Variants in RALGAPA1 observed in about 807,000 individuals in gnomAD.
The protein encoded by RALGAPA1 is ral GTPase-activating protein subunit alpha-1.
In RALGAPA1, 52 loss-of-function variants were observed where a neutral mutation model predicts 269.6. The observed-to-expected ratio is 0.19, with a 90% CI of 0.15 to 0.24. The LOEUF (loss-of-function observed/expected upper bound fraction) is 0.24, where lower values mean the gene tolerates loss of function less well. Among genes scored for constraint, RALGAPA1 ranks in the 10% least tolerant of loss-of-function variants. The pLI is 1.00. For missense variants in RALGAPA1, 1,917 were observed against 3,013.9 expected (o/e 0.64, Z 8.52); for synonymous variants, 817 against 1,008.3 (o/e 0.81, Z 3.60).
intron 17 of RALGAPA1, among the ~76,000 whole-genome samples, chr14:35,691,555 T>G (rs566085538): frequency 1.3e-5 from 2 of 152,314 alleles, no homozygotes; most frequent in African/African-American, 4.8e-5. Context: ...TGTCCAAGAT[T>G]ACAAAATAAT....
intron 39 of RALGAPA1, among the ~76,000 whole-genome samples, chr14:35,562,931 G>T (rs1566688644): frequency 7.0e-6 from 1 of 142,812 alleles, no homozygotes; most frequent in African/African-American, 2.6e-5. Flanking sequence ...TGAGGCAGGA[G>T]AACTGCTTGA....
At chr14:35,624,756 C>T (rs2060884081) in intron 35 of RALGAPA1, among the ~76,000 whole-genome samples, 1 of 152,068 alleles carries the variant, frequency 6.6e-6, no homozygotes, top group Non-Finnish European at 1.5e-5. Context: ...TTCAAACTTG[C>T]TTCCCAATCT....
At chr14:35,548,741 A>G (rs1397285808) in intron 40 of RALGAPA1, among the ~76,000 whole-genome samples, 2 of 152,190 alleles carry the variant, frequency 1.3e-5, no homozygotes, top group Admixed American at 1.3e-4. Context: ...CTTTAGCTGT[A>G]AAATCAGAGA....
chr14:35,709,881 T>C (rs1286607795), intron 16 of RALGAPA1, among the ~76,000 whole-genome samples: 2 of 152,202 alleles, frequency 1.3e-5, no homozygotes, highest in Non-Finnish European at 1.5e-5. Context: ...GTTAAATCCA[T>C]TGCAGTCAGA....
At chr14:35,660,329 C>T (rs1169156146) in intron 27 of RALGAPA1, among the ~76,000 whole-genome samples, 2 of 151,902 alleles carry the variant, frequency 1.3e-5, no homozygotes, top group Admixed American at 6.6e-5. Flanking sequence ...ACAAAACATA[C>T]AAAAATCAGT....
At chr14:35,635,439 T>A (rs750310704) in intron 32 of RALGAPA1, 25 bp downstream of exon 32, 4 of 1,558,614 alleles carry the variant, frequency 2.6e-6, no homozygotes, top group Non-Finnish European at 3.5e-6. Context: ...GGTTACCAAA[T>A]AAATAATAAA....
intron 14 of RALGAPA1, 142 bp from the exon 15 acceptor site, chr14:35,723,406 T>G (rs1325520465): frequency 5.7e-6 from 3 of 530,552 alleles, no homozygotes; most frequent in Non-Finnish European, 1.0e-5. Context: ...ATACTACTTG[T>G]AAAAGCAATT....
At chr14:35,800,870 T>G (rs2076915086) in intron 1 of RALGAPA1, among the ~76,000 whole-genome samples, 1 of 151,508 alleles carries the variant, frequency 6.6e-6, no homozygotes, top group Admixed American at 6.6e-5. Context: ...CCAGGCGGGG[T>G]GGCGCATGCC....
chr14:35,776,385 GA>G (rs35941793), intron 1 of RALGAPA1, among the ~76,000 whole-genome samples: 19,896 of 138,798 alleles, frequency 0.14, 1,336 homozygotes, highest in South Asian at 0.15. Context: ...CCACCTTGGG[GA>G]AAAAAAAAAA....
At chr14:35,683,632 G>A in intron 21 of RALGAPA1, 177 bp downstream of exon 21, 1 of 525,370 alleles carries the variant, frequency 1.9e-6, no homozygotes. Context: ...GCTTAACCCA[G>A]TGGACCTCAG....
At position 35,775,627 on chromosome 14, in the gene RALGAPA1, C is replaced by T; in HGVS notation, c.217+8G>A. On this transcript the variant is annotated splice_region_variant and intron_variant, in intron 2 of 41. Transcript: ENST00000680220. ...TAACATACGCCAAGATATATGTTAG[C>T]ATCTTACCTTTCTGTTTAAGACTAG... 6.4e-7 allele frequency: 1 copy of T among 1,564,568 alleles called. No individual in the cohort carries two copies.
chr14:35,579,236 G>C (rs1219354018), intron 37 of RALGAPA1, among the ~76,000 whole-genome samples: 1 of 152,130 alleles, frequency 6.6e-6, no homozygotes, highest in Non-Finnish European at 1.5e-5. Flanking sequence ...CAGTCAGTGA[G>C]GCCAGATTAT....
chr14:35,758,617 A>G (rs1234921930), intron 6 of RALGAPA1, among the ~76,000 whole-genome samples: 1 of 152,204 alleles, frequency 6.6e-6, no homozygotes, highest in African/African-American at 2.4e-5. Flanking sequence ...GTGCATCTGC[A>G]GTCCCAGCTA....
chr14:35,588,356 A>G (rs2058438957), intron 37 of RALGAPA1, among the ~76,000 whole-genome samples: 1 of 152,204 alleles, frequency 6.6e-6, no homozygotes, highest in East Asian at 1.9e-4. Context: ...TTTGAGGGAA[A>G]CAGGCATCTT....
At chr14:35,799,563 G>GA (rs71124716) in intron 1 of RALGAPA1, among the ~76,000 whole-genome samples, 76 of 108,812 alleles carry the variant, frequency 7.0e-4, no homozygotes, top group Non-Finnish European at 8.6e-4. Flanking sequence ...CTCGGTCCCA[G>GA]AAAAAAAAAA....
intron 35 of RALGAPA1, among the ~76,000 whole-genome samples, chr14:35,609,023 G>A (rs937093917): frequency 6.6e-6 from 1 of 152,164 alleles, no homozygotes; most frequent in East Asian, 1.9e-4. Flanking sequence ...TCAGGAGATC[G>A]AGATCATCCT....
At position 35,689,273 on chromosome 14, in the gene RALGAPA1, T is replaced by C. The variant is rs1436580581; in HGVS notation, c.3138A>G (p.Pro1046=). 2.3e-5 allele frequency: 28 copies of C among 1,232,280 alleles called. No homozygotes were observed. The highest frequency in any genetic ancestry group is 2.7e-5 in the Non-Finnish European group (27 of 988,146). The allele number at this position is 1,232,280 out of a possible 1,614,324, so 76.3% of individuals were successfully genotyped here. ...KSKQLNTDKQ[P]SEPSLDSPCD... ...AAGGGCTATCTAAACTAGGCTCTGA[T>C]GGCTGTTTATCAGTGTTTAGTTGCT... The change falls in exon 18 of 42, where the codon CCA becomes CCG. Residue 1046 remains proline (P), a synonymous_variant. Coordinates refer to ENST00000680220, the MANE Select transcript of RALGAPA1 (RefSeq NM_001346249.2).
rs769015220 is a variant in RALGAPA1 at position 35,748,601 on chromosome 14, G to A, written c.1235C>T (p.Thr412Ile). Reference sequence around the variant, plus strand: ...GTATGTTACCTGACGAAATATCTCTGTCACAAAGTTTACATTACTCCTTTT... The same window carrying A: ...GTATGTTACCTGACGAAATATCTCTATCACAAAGTTTACATTACTCCTTTT... Reference protein sequence around the residue: ...SSKRSNVNFVTEIFRQAFLLP... With the variant: ...SSKRSNVNFVIEIFRQAFLLP... The change falls in exon 10 of 42, where the codon ACA (threonine) becomes ATA (isoleucine). Residue 412 changes from threonine to isoleucine, a missense_variant. Around this residue, in one of 11 missense-constraint regions of RALGAPA1, gnomAD observed 462 missense variants for 725.6 expected, o/e 0.64. Coordinates refer to ENST00000680220, the MANE Select transcript of RALGAPA1 (RefSeq NM_001346249.2). The A allele has an allele frequency of 3.1e-6, 5 of 1,607,754 alleles. No individual in the cohort carries two copies. Among genetic ancestry groups the A allele is most frequent in the Non-Finnish European group, 2.5e-6 (3 of 1,176,980 alleles).
At chr14:35,766,953 C>T (rs2074209967) in intron 4 of RALGAPA1, 2 of 378,816 alleles carry the variant, frequency 5.3e-6, no homozygotes, top group Admixed American at 7.3e-5. Flanking sequence ...ACAGGGCTGC[C>T]GTTTACTGGA....
Sources: allele counts gnomAD v4.1 joint callset (sites outside exome capture counted in the v4.1 genomes callset), GRCh38; gene constraint gnomAD v4.1.1; regional missense constraint gnomAD v4.1.1; transcripts MANE v1.5; gene names NCBI Gene and HGNC (gene_info 2026-07-23, HGNC 2026-07-21).